Variants in TRIM36 observed in about 807,000 individuals in gnomAD.
TRIM36 encodes E3 ubiquitin-protein ligase TRIM36.
Under a neutral mutation model 72.4 loss-of-function variants are expected in TRIM36, and 42 were observed. That is an observed-to-expected ratio of 0.58 (90% CI 0.45 to 0.75). TRIM36 has a LOEUF of 0.75. Ranked by LOEUF, TRIM36 falls within the 30% of genes least tolerant of loss-of-function variation. The pLI, the probability that TRIM36 is intolerant of heterozygous loss-of-function variation, is 0.00. For synonymous variants in TRIM36, 315 were observed against 282.8 expected (o/e 1.11, Z -1.14); for missense variants, 913 against 857.1 (o/e 1.07, Z -0.81).
rs546997247 is a variant in TRIM36 at position 115,126,448 on chromosome 5, G to A, written c.*55C>T. 6.3e-5 allele frequency: 90 copies of A among 1,419,538 alleles called. No individual in the cohort carries two copies. Among genetic ancestry groups the A allele is most frequent in the South Asian group, 3.4e-4 (26 of 77,242 alleles). 87.9% of individuals were successfully genotyped at this position (1,419,538 alleles called of 1,614,324 possible). On this transcript the variant is annotated 3_prime_UTR_variant, in exon 10 of 10. Coordinates refer to ENST00000513154, the MANE Select transcript of TRIM36 (RefSeq NM_001300759.2). Reference sequence around the variant, plus strand: ...TATGTAATTAGTTACGAAGGTTAACGCTAAGGCATTGCTTTGTTTACAGTT... The same window carrying A: ...TATGTAATTAGTTACGAAGGTTAACACTAAGGCATTGCTTTGTTTACAGTT...
chr5:115,167,038 A>G (rs1754817821), intron 1 of TRIM36, among the ~76,000 whole-genome samples: 1 of 152,200 alleles, frequency 6.6e-6, no homozygotes, highest in South Asian at 2.1e-4. Flanking sequence ...GCCAGTAGTG[A>G]AAACCAAGCA....
chr5:115,155,084 G>A (rs1754100702), intron 2 of TRIM36, among the ~76,000 whole-genome samples: 1 of 152,180 alleles, frequency 6.6e-6, no homozygotes, highest in Non-Finnish European at 1.5e-5. Context: ...AGCTACTCGG[G>A]AGGCTGAGGC....
At position 115,144,730 on chromosome 5, in the gene TRIM36, T is replaced by A. The variant is rs1428146298; in HGVS notation, c.603A>T (p.Pro201=). 1 of 1,612,824 alleles carries A rather than the reference T, an allele frequency of 6.2e-7. No homozygotes were observed. The highest frequency in any genetic ancestry group is 1.1e-5 in the South Asian group (1 of 90,660). Residue 201 remains proline (P), a synonymous_variant, in exon 4 of 10, where the codon CCA becomes CCT. Coordinates refer to ENST00000513154, the MANE Select transcript of TRIM36 (RefSeq NM_001300759.2). ...TNFRPKILMC[P]EHETERINMY... The stretch of plus-strand genomic sequence containing the variant: ...TGTTTATTCTCTCTGTTTCATGTTC[T>A]GGGCACATTAAAATCTATTGAGTAA...
intron 2 of TRIM36, among the ~76,000 whole-genome samples, chr5:115,161,718 A>G (rs925009221): frequency 6.6e-6 from 1 of 152,106 alleles, no homozygotes; most frequent in Non-Finnish European, 1.5e-5. Flanking sequence ...ACCACACTCT[A>G]CTTCTCCAAT....
rs1466572692 is a variant in TRIM36, at chr5:115,125,642, C to T, written c.*861G>A. ...TAAGGGGGTAAAAGAATAAATATGA[C>T]TTTTAATATCAGTCCATCTTTACCA... On this transcript the variant is annotated 3_prime_UTR_variant, in exon 10 of 10. Transcript: ENST00000513154. 6.6e-6 allele frequency: 1 copy of T among 151,930 alleles called. No homozygotes were observed. Among genetic ancestry groups the T allele is most frequent in the Non-Finnish European group, 1.5e-5 (1 of 67,912 alleles). 9.4% of individuals were successfully genotyped at this position (151,930 alleles called of 1,614,324 possible).
chr5:115,157,380 T>A (rs982893326), intron 2 of TRIM36, among the ~76,000 whole-genome samples: 1 of 152,082 alleles, frequency 6.6e-6, no homozygotes, highest in South Asian at 2.1e-4. Flanking sequence ...CTGACTGACA[T>A]GGTGAAACCC....
At chr5:115,140,465 A>C (rs1209197061) in intron 5 of TRIM36, among the ~76,000 whole-genome samples, 1 of 152,208 alleles carries the variant, frequency 6.6e-6, no homozygotes, top group Non-Finnish European at 1.5e-5. Context: ...AAGTATAAAG[A>C]CTAATGAATC....
chr5:115,158,581 G>T lies in TRIM36; in HGVS notation c.262+4937C>A, dbSNP rs181802137. ...ACCTCTCCCAATGGTGGACACTACT[G>T]TTGGGCTTTTGCTGTTTGGCAGTGG... On this transcript the variant is annotated intron_variant, in intron 2 of 9. Coordinates refer to ENST00000513154, the MANE Select transcript of TRIM36 (RefSeq NM_001300759.2). Among the ~76,000 whole-genome samples, 3 of 152,320 alleles carry T rather than the reference G, an allele frequency of 2.0e-5. No homozygotes were observed. In the East Asian group the frequency reaches 5.8e-4, roughly 29 times the overall value.
chr5:115,164,411 T>C (rs1754650158), intron 1 of TRIM36, among the ~76,000 whole-genome samples: 1 of 152,166 alleles, frequency 6.6e-6, no homozygotes, highest in African/African-American at 2.4e-5. Context: ...GGGTAATTTA[T>C]AAAGAAAAGA....
Position 115,137,387 on chromosome 5 carries a change from T to A in TRIM36, c.1061A>T (p.Gln354Leu). The A allele has an allele frequency of 6.2e-7, 1 of 1,611,566 alleles. No homozygotes were observed. Among genetic ancestry groups the A allele is most frequent in the Non-Finnish European group, 8.5e-7 (1 of 1,179,378 alleles). The change falls in exon 6 of 10, where the codon CAG (glutamine) becomes CTG (leucine). Residue 354 changes from glutamine (Q) to leucine (L), a missense_variant. By Grantham distance (113) the Gln-to-Leu change is moderately radical. Coordinates refer to ENST00000513154, the MANE Select transcript of TRIM36 (RefSeq NM_001300759.2). ...CCTGAGGTGGAGCTGCTTTGCTGTCTGCACAAAGCAAGACTGATCTGTCTC... is the reference window on the plus strand; with the variant it reads ...CCTGAGGTGGAGCTGCTTTGCTGTCAGCACAAAGCAAGACTGATCTGTCTC... ...LKETDQSCFV[Q>L]TAKQLHLRIQ...
At chr5:115,164,614 G>C (rs546904612) in intron 1 of TRIM36, among the ~76,000 whole-genome samples, 71 of 152,172 alleles carry the variant, frequency 4.7e-4, no homozygotes, top group Non-Finnish European at 9.4e-4. Flanking sequence ...ATCTACCCCT[G>C]TGATTCAATG....
At chr5:115,146,702 G>A (rs188318471) in intron 3 of TRIM36, among the ~76,000 whole-genome samples, 1 of 152,190 alleles carries the variant, frequency 6.6e-6, no homozygotes, top group Non-Finnish European at 1.5e-5. Context: ...AACCTTTTAA[G>A]CAATTATGGA....
At position 115,125,243 on chromosome 5, in the gene TRIM36, A is replaced by T. The variant is rs964155044; in HGVS notation, c.*1260T>A. Reference sequence around the variant, plus strand: ...CAATGCATAAAAGTAGTTTCTGAATATTTTAACCTCAAAAAAATAAGTACT... The same window carrying T: ...CAATGCATAAAAGTAGTTTCTGAATTTTTTAACCTCAAAAAAATAAGTACT... On this transcript the variant is annotated 3_prime_UTR_variant, in exon 10 of 10. Transcript: ENST00000513154. 5 of 152,152 alleles carry T rather than the reference A, an allele frequency of 3.3e-5. No homozygotes were observed. The highest frequency in any genetic ancestry group is 2.9e-5 in the Non-Finnish European group (2 of 67,996). The allele number at this position is 152,152 out of a possible 1,614,324, so 9.4% of individuals were successfully genotyped here. A position where few individuals can be genotyped will look rare whatever the true frequency, so the allele number is the denominator to read the frequency against.
rs576331846 is a variant in TRIM36 at position 115,177,570 on chromosome 5, A to G, written c.63+2405T>C. 9.1e-6 allele frequency: 13 copies of G among 1,426,684 alleles called. No individual in the cohort carries two copies. In the East Asian group the frequency reaches 3.3e-4, roughly 36 times the overall value. The allele number at this position is 1,426,684 out of a possible 1,614,324, so 88.4% of individuals were successfully genotyped here. On this transcript the variant is annotated intron_variant, in intron 1 of 9. Transcript: ENST00000282369. ...TCCATGGTTAATATTCAGTGTTCAA[A>G]TCCTGTATAATCACACACAAAACAG...
intron 2 of TRIM36, among the ~76,000 whole-genome samples, chr5:115,152,049 C>G (rs765578755): frequency 7.9e-5 from 12 of 152,034 alleles, no homozygotes; most frequent in Non-Finnish European, 1.6e-4. Flanking sequence ...GAAAAAGAAT[C>G]CAGAAGGTTA....
chr5:115,128,095 G>GGA (rs113602808), intron 9 of TRIM36, among the ~76,000 whole-genome samples: 6 of 149,212 alleles, frequency 4.0e-5, no homozygotes, highest in East Asian at 2.0e-4. Flanking sequence ...AAATTGGGGG[G>GGA]GGCCAGGAGT....
At chr5:115,180,104 T>G in exon 1 of TRIM36, 1 of 1,514,546 alleles carries the variant, frequency 6.6e-7, no homozygotes, top group South Asian at 1.1e-5. Context: ...TTCTTTTCTC[T>G]TTTTCTGTTT....
Position 115,126,408 on chromosome 5 carries a change from C to CA in TRIM36, c.*94dup. 1.0e-6 allele frequency: 1 copy of CA among 958,164 alleles called. No individual in the cohort carries two copies. Among genetic ancestry groups the CA allele is most frequent in the Non-Finnish European group, 1.5e-6 (1 of 660,612 alleles). The allele number at this position is 958,164 out of a possible 1,614,324, so 59.4% of individuals were successfully genotyped here. On this transcript the variant is annotated 3_prime_UTR_variant, in exon 10 of 10. Coordinates refer to ENST00000513154, the MANE Select transcript of TRIM36 (RefSeq NM_001300759.2). ...TCATACTCAAACACAAGTGGGGTGACAGAACACTCAGCGATATGTAATTAG... is the reference window on the plus strand; with the variant it reads ...TCATACTCAAACACAAGTGGGGTGACAAGAACACTCAGCGATATGTAATTAG...
intron 2 of TRIM36, among the ~76,000 whole-genome samples, chr5:115,152,957 T>C (rs535846140): frequency 1.2e-4 from 18 of 151,978 alleles, no homozygotes; most frequent in Middle Eastern, 3.4e-3. Flanking sequence ...AAATAAGATT[T>C]AAAAAACAAC....
Sources: gnomAD v4.1 joint callset for allele counts (sites outside exome capture counted in the v4.1 genomes callset) on GRCh38, gnomAD v4.1.1 for gene constraint, MANE v1.5 for transcripts, NCBI Gene and HGNC (gene_info 2026-07-23, HGNC 2026-07-21) for gene names.